The following ST3GAL2 variants were observed in gnomAD, a reference collection of about 807,000 sequenced individuals.
The protein encoded by ST3GAL2 is ST3 beta-galactoside alpha-2,3-sialyltransferase 2.
In ST3GAL2, 16 loss-of-function variants were observed where a neutral mutation model predicts 37.5. The observed-to-expected ratio is 0.43, with a 90% confidence interval of 0.29 to 0.65. ST3GAL2 has a LOEUF of 0.65. ST3GAL2 is among the 30% of genes least tolerant of loss of function. The pLI, the probability that ST3GAL2 is intolerant of heterozygous loss-of-function variation, is 0.17. For synonymous variants in ST3GAL2, 238 were observed against 202.9 expected (o/e 1.17, Z -1.47); for missense variants, 383 against 487.8 (o/e 0.79, Z 2.02).
chr16:70,389,162 G>A (rs1190986302), intron 3 of ST3GAL2, among the ~76,000 whole-genome samples: 1 of 110,512 alleles, frequency 9.0e-6, no homozygotes, highest in African/African-American at 3.4e-5. Context: ...GGCGGATCAC[G>A]AGGTCAGGAG....
chr16:70,392,237 AAAGGGAAGG>A (rs766827505), intron 3 of ST3GAL2, among the ~76,000 whole-genome samples: 4 of 152,304 alleles, frequency 2.6e-5, no homozygotes, highest in African/African-American at 7.2e-5. Flanking sequence ...CCTCCAAGGG[AAAGGGAAGG>A]AACATGGCAC....
At chr16:70,401,718 C>T (rs2047556552) in intron 1 of ST3GAL2, among the ~76,000 whole-genome samples, 1 of 152,102 alleles carries the variant, frequency 6.6e-6, no homozygotes. Flanking sequence ...AGGAGGCAGG[C>T]CCAATGGCTC....
chr16:70,377,438 C>A lies in ST3GAL2; in HGVS notation c.*4251G>T, dbSNP rs1319290067. ...GAGCTTGCAGTGAGCGGACATAGCACCACTGCATTCCAGCCTGGGCAATGG... is the reference window on the plus strand; with the variant it reads ...GAGCTTGCAGTGAGCGGACATAGCAACACTGCATTCCAGCCTGGGCAATGG... On this transcript the variant is annotated 3_prime_UTR_variant, in exon 7 of 7. Transcript: ENST00000342907. 6.7e-6 allele frequency: 1 copy of A among 149,766 alleles called. No individual in the cohort carries two copies. The highest frequency in any genetic ancestry group is 2.5e-5 in the African/African-American group (1 of 40,314). The allele number at this position is 149,766 out of a possible 1,614,324, so 9.3% of individuals were successfully genotyped here. A position where few individuals can be genotyped will look rare whatever the true frequency, so the allele number is the denominator to read the frequency against.
intron 1 of ST3GAL2, among the ~76,000 whole-genome samples, chr16:70,422,668 C>G (rs1163363478): frequency 6.6e-6 from 1 of 152,112 alleles, no homozygotes; most frequent in African/African-American, 2.4e-5. Context: ...ACACACATAA[C>G]GCCACACCCT....
rs2047403023 is a variant in ST3GAL2, at chr16:70,381,408, C to A, written c.*281G>T. 1 of 425,992 alleles carries A rather than the reference C, an allele frequency of 2.3e-6. No individual in the cohort carries two copies. The highest frequency in any genetic ancestry group is 4.3e-5 in the East Asian group (1 of 23,386). The allele number at this position is 425,992 out of a possible 1,614,324, so 26.4% of individuals were successfully genotyped here. A position where few individuals can be genotyped will look rare whatever the true frequency, so the allele number is the denominator to read the frequency against. ...AAAGCATGAGGGAGTGGGGATTGAG[C>A]GGCCGCTGGCCCGCCCCCGAAGGCC... On this transcript the variant is annotated 3_prime_UTR_variant, in exon 7 of 7. Transcript: ENST00000342907.
intron 1 of ST3GAL2, among the ~76,000 whole-genome samples, chr16:70,415,064 C>T (rs1398962756): frequency 2.6e-5 from 4 of 151,972 alleles, no homozygotes; most frequent in East Asian, 1.9e-4. Flanking sequence ...TTAGTAGAGA[C>T]GGGGTTTCAC....
At chr16:70,401,439 T>G (rs1336696172) in intron 1 of ST3GAL2, among the ~76,000 whole-genome samples, 3 of 152,132 alleles carry the variant, frequency 2.0e-5, no homozygotes, top group Non-Finnish European at 4.4e-5. Context: ...GCCCTTGCTT[T>G]GGGAACCCCA....
chr16:70,419,423 C>T (rs56348821), intron 1 of ST3GAL2, among the ~76,000 whole-genome samples: 16 of 152,124 alleles, frequency 1.1e-4, no homozygotes, highest in African/African-American at 3.6e-4. Flanking sequence ...ACAGGGGCCC[C>T]GGCAGCAGGG....
chr16:70,408,890 CAAAAAAAAAAAAAAAAAAAAA>C (rs59060353), intron 1 of ST3GAL2, among the ~76,000 whole-genome samples: 1,023 of 59,910 alleles, frequency 0.017, 14 homozygotes, highest in Non-Finnish European at 0.028. Flanking sequence ...CTCAAAGAAA[CAAAAAAAAAAAAAAAAAAAAA>C]AAAAAAAAAA....
intron 1 of ST3GAL2, among the ~76,000 whole-genome samples, chr16:70,425,940 G>C (rs898673861): frequency 2.6e-5 from 4 of 152,178 alleles, no homozygotes; most frequent in African/African-American, 9.7e-5. Context: ...GGATGGTGAG[G>C]GAGGCCCTGA....
chr16:70,428,436 C>A (rs925118993), intron 1 of ST3GAL2, among the ~76,000 whole-genome samples: 10 of 152,210 alleles, frequency 6.6e-5, no homozygotes, highest in African/African-American at 2.2e-4. Flanking sequence ...GGCAGCCTTG[C>A]AGCCTGTGAA....
intron 1 of ST3GAL2, among the ~76,000 whole-genome samples, chr16:70,402,743 G>A (rs2047564745): frequency 6.6e-6 from 1 of 152,160 alleles, no homozygotes. Context: ...TCCGCCTCCT[G>A]GGTTCAAACG....
intron 1 of ST3GAL2, among the ~76,000 whole-genome samples, chr16:70,433,740 ACT>A (rs2047806440): frequency 2.0e-5 from 3 of 152,092 alleles, no homozygotes; most frequent in Admixed American, 1.3e-4. Flanking sequence ...CTGAGTCATC[ACT>A]CTGATTTTAT....
chr16:70,396,984 A>G (rs1445061136), intron 2 of ST3GAL2, among the ~76,000 whole-genome samples: 1 of 149,486 alleles, frequency 6.7e-6, no homozygotes, highest in Non-Finnish European at 1.5e-5. Context: ...CTCTAGAATC[A>G]GACAACACAT....
At chr16:70,382,708 A>G (rs2047414539) in intron 6 of ST3GAL2, 97 bp downstream of exon 6, 1 of 1,563,910 alleles carries the variant, frequency 6.4e-7, no homozygotes, top group East Asian at 2.3e-5. Context: ...GATTCTGCCT[A>G]CAGAAGCACA....
rs913410163 is a variant in ST3GAL2, at chr16:70,398,632, G to A, written c.-102C>T. ...GCCTATTCTGGCACCACATGCAAAG[G>A]GCATAGGGGCACGTGCTGCAGCAGG... On this transcript the variant is annotated 5_prime_UTR_variant, in exon 2 of 7. Transcript: ENST00000342907. The A allele has an allele frequency of 8.9e-6, 10 of 1,121,124 alleles. No homozygotes were observed. The African/African-American group carries it at 1.2e-4, about 14-fold the overall frequency. 69.4% of individuals were successfully genotyped at this position (1,121,124 alleles called of 1,614,324 possible).
intron 1 of ST3GAL2, among the ~76,000 whole-genome samples, chr16:70,411,871 G>C (rs1025253703): frequency 2.0e-5 from 3 of 151,936 alleles, no homozygotes; most frequent in African/African-American, 7.3e-5. Flanking sequence ...GCGGATGTCT[G>C]TAATCCCAGC....
At position 70,403,914 on chromosome 16, in the gene ST3GAL2, G is replaced by A. The variant is rs141039880; in HGVS notation, c.-1003-4381C>T. Reference sequence around the variant, plus strand: ...GGAGGCTTAGGCATAAGGATCACTTGAGCCCAGGAGTTCAAGGTTGCAGTG... The same window carrying A: ...GGAGGCTTAGGCATAAGGATCACTTAAGCCCAGGAGTTCAAGGTTGCAGTG... On this transcript the variant is annotated intron_variant, in intron 1 of 6. Transcript: ENST00000342907. Among the ~76,000 whole-genome samples the A allele has an allele frequency of 7.6e-4, 116 of 152,192 alleles. 1 individual carries two copies. Among genetic ancestry groups the A allele is most frequent in the African/African-American group, 2.6e-3 (106 of 41,534 alleles).
intron 1 of ST3GAL2, among the ~76,000 whole-genome samples, chr16:70,413,974 G>A (rs983230322): frequency 6.6e-6 from 1 of 152,120 alleles, no homozygotes; most frequent in African/African-American, 2.4e-5. Flanking sequence ...TCTTCCTTGT[G>A]TTCTTGTCTA....
Sources: allele counts gnomAD v4.1 joint callset (sites outside exome capture counted in the v4.1 genomes callset), GRCh38; gene constraint gnomAD v4.1.1; transcripts MANE v1.5; gene names NCBI Gene and HGNC (gene_info 2026-07-23, HGNC 2026-07-21).